Variants in ABHD2 observed in about 807,000 individuals in gnomAD.
ABHD2 encodes the protein abhydrolase domain containing 2, acylglycerol lipase.
ABHD2 carries 20 observed loss-of-function variants against 48.1 expected under a neutral mutation model. That is an observed-to-expected ratio of 0.42 (90% confidence interval 0.29 to 0.60). ABHD2 has a LOEUF of 0.60. Among genes scored for constraint, ABHD2 ranks in the 20% least tolerant of loss-of-function variants. ABHD2 has a pLI of 0.24. For missense variants in ABHD2, 405 were observed against 550.9 expected, an observed-to-expected ratio of 0.74 and a Z score of 2.65; for synonymous variants, 209 against 214.2, an observed-to-expected ratio of 0.98 and a Z score of 0.21.
At chr15:89,084,803 G>A (rs909198560), upstream of ABHD2, among the ~76,000 whole-genome samples, 3 of 152,128 alleles carry the variant, frequency 2.0e-5, no homozygotes, top group East Asian at 1.9e-4. This position sits in a 1 kb window ranked among gnomAD's most constrained non-coding sequence, Gnocchi z 4.4. Context: ...CTTTGCATCT[G>A]TGAACTCATC....
chr15:89,061,402 G>C, the ABHD2 span, among the ~76,000 whole-genome samples: 3 of 151,908 alleles, frequency 2.0e-5, no homozygotes, highest in Admixed American at 6.6e-5. Context: ...TAAGCAACAA[G>C]AGCAAAATTC....
the ABHD2 span, among the ~76,000 whole-genome samples, chr15:89,050,481 A>T: frequency 6.6e-6 from 1 of 152,354 alleles, no homozygotes; most frequent in Non-Finnish European, 1.5e-5. Flanking sequence ...CCCCCAGTTT[A>T]GCAGACTAGC....
At chr15:89,096,821 T>TA (rs1334750728) in intron 1 of ABHD2, among the ~76,000 whole-genome samples, 4 of 152,252 alleles carry the variant, frequency 2.6e-5, no homozygotes, top group African/African-American at 7.2e-5. Flanking sequence ...AGCCAACACT[T>TA]ACCTTCTACA....
intron 5 of ABHD2, among the ~76,000 whole-genome samples, chr15:89,158,180 C>G (rs116761931): frequency 1.9e-3 from 296 of 152,252 alleles, no homozygotes; most frequent in African/African-American, 6.9e-3. Context: ...GGCACAATCT[C>G]TTTTATCTCC....
Position 89,097,083 on chromosome 15 carries a change from G to A in ABHD2, c.-107+8520G>A, listed in dbSNP as rs2049624653. On this transcript the variant is annotated intron_variant, in intron 1 of 10. Coordinates refer to ENST00000352732, the MANE Select transcript of ABHD2 (RefSeq NM_152924.5). The surrounding 1 kb of genome is among the most constrained non-coding windows in gnomAD (Gnocchi z 4.2). The stretch of plus-strand genomic sequence containing the variant: ...GACTAGCAGGACTGTTTGTCATATT[G>A]CTAAATAATCACTCATTCATTTATT... 6.6e-6 allele frequency among the ~76,000 whole-genome samples: 1 copy of A among 152,138 alleles called. No homozygotes were observed. The highest frequency in any genetic ancestry group is 6.5e-5 in the Admixed American group (1 of 15,280).
Position 89,195,618 on chromosome 15 carries a change from ACT to A in ABHD2, c.*196_*197del. ...CTCCAGGCTATTTTTGTGCTTAGTTACTGGTTTTCTCCATTGCATTGTTAGGC... is the reference window on the plus strand; with the variant it reads ...CTCCAGGCTATTTTTGTGCTTAGTTAGGTTTTCTCCATTGCATTGTTAGGC... On this transcript the variant is annotated 3_prime_UTR_variant, in exon 11 of 11. Transcript: ENST00000352732. The surrounding 1 kb of genome is among the most constrained non-coding windows in gnomAD (Gnocchi z 5.1). The A allele has an allele frequency of 1.8e-6, 1 of 559,964 alleles. No individual in the cohort carries two copies. The highest frequency in any genetic ancestry group is 3.1e-6 in the Non-Finnish European group (1 of 324,080). 34.7% of individuals were successfully genotyped at this position (559,964 alleles called of 1,614,324 possible). A position where few individuals can be genotyped will look rare whatever the true frequency, so the allele number is the denominator to read the frequency against.
At position 89,146,355 on chromosome 15, in the gene ABHD2, C is replaced by CGTGTGTGTGTGTGTGT. The variant is rs4032279; in HGVS notation, c.195-5293_195-5278dup. Among the ~76,000 whole-genome samples the CGTGTGTGTGTGTGTGT allele has an allele frequency of 8.1e-4, 98 of 121,638 alleles. No homozygotes were observed. Among genetic ancestry groups the CGTGTGTGTGTGTGTGT allele is most frequent in the South Asian group, 3.5e-3 (11 of 3,172 alleles). The allele number at this position is 121,638 out of a possible 152,430, so 79.8% of individuals were successfully genotyped here. A position where few individuals can be genotyped will look rare whatever the true frequency, so the allele number is the denominator to read the frequency against. ...TGAGCTTCATCTGCTCAAAGACGTA[C>CGTGTGTGTGTGTGTGT]GTGTGTGTGTGTGTGTGTGTGTGTG... On this transcript the variant is annotated intron_variant, in intron 3 of 10. Coordinates refer to ENST00000352732, the MANE Select transcript of ABHD2 (RefSeq NM_152924.5). The surrounding 1 kb of genome is among the most constrained non-coding windows in gnomAD (Gnocchi z 4.2).
chr15:89,044,811 G>C, the ABHD2 span, among the ~76,000 whole-genome samples: 1 of 152,060 alleles, frequency 6.6e-6, no homozygotes, highest in Non-Finnish European at 1.5e-5. Flanking sequence ...TTAGCCCCTT[G>C]TCAGATGAGT....
intron 3 of ABHD2, among the ~76,000 whole-genome samples, chr15:89,139,846 G>C (rs1286587460): frequency 1.3e-5 from 2 of 152,190 alleles, no homozygotes; most frequent in Non-Finnish European, 2.9e-5. Flanking sequence ...AACATCCCGA[G>C]CCTATGTCTC....
At position 89,201,421 on chromosome 15, in the gene ABHD2, G is replaced by T; in HGVS notation, c.*5998G>T. ...TGTCATTCAATTTATCATTTTCATT[G>T]GGGATCTCCATTTGGAATCCATTAA... On this transcript the variant is annotated 3_prime_UTR_variant, in exon 11 of 11. Transcript: ENST00000352732. 1 of 1,265,966 alleles carries T rather than the reference G, an allele frequency of 7.9e-7. No individual in the cohort carries two copies. The highest frequency in any genetic ancestry group is 1.1e-6 in the Non-Finnish European group (1 of 875,818). The allele number at this position is 1,265,966 out of a possible 1,614,324, so 78.4% of individuals were successfully genotyped here. A position where few individuals can be genotyped will look rare whatever the true frequency, so the allele number is the denominator to read the frequency against.
At chr15:89,090,066 G>A (rs1901533302) in intron 1 of ABHD2, among the ~76,000 whole-genome samples, 1 of 152,236 alleles carries the variant, frequency 6.6e-6, no homozygotes, top group South Asian at 2.1e-4. Flanking sequence ...TCTCTTGACT[G>A]TATTTAGATC....
At chr15:89,042,486 G>A in the ABHD2 span, among the ~76,000 whole-genome samples, 4 of 151,878 alleles carry the variant, frequency 2.6e-5, no homozygotes, top group Non-Finnish European at 4.4e-5. Context: ...TCCTTACACC[G>A]AGTGCCACCT....
Position 89,092,550 on chromosome 15 carries a change from C to A in ABHD2, c.-107+3987C>A, listed in dbSNP as rs192165054. Among the ~76,000 whole-genome samples the A allele has an allele frequency of 6.6e-6, 1 of 152,128 alleles. No individual in the cohort carries two copies. The highest frequency in any genetic ancestry group is 2.4e-5 in the African/African-American group (1 of 41,402). ...ATGATGAAAGAAAATTTTTTAAAGG[C>A]ACAAAAGGTTAACTAGTAAATACAT... On this transcript the variant is annotated intron_variant, in intron 1 of 10. Transcript: ENST00000352732. This position sits in a 1 kb window ranked among gnomAD's most constrained non-coding sequence, Gnocchi z 4.4.
intron 4 of ABHD2, among the ~76,000 whole-genome samples, chr15:89,153,787 TAAC>T (rs959595922): frequency 3.3e-5 from 5 of 152,228 alleles, no homozygotes; most frequent in African/African-American, 1.2e-4. Flanking sequence ...CATATATTAT[TAAC>T]GTTTTGTTCC....
At chr15:89,055,323 C>CTTTTTTTTTTTTTTTTTTTT in the ABHD2 span, among the ~76,000 whole-genome samples, 1 of 124,796 alleles carries the variant, frequency 8.0e-6, no homozygotes, top group Non-Finnish European at 1.7e-5. Context: ...ACACTAGTTT[C>CTTTTTTTTTTTTTTTTTTTT]TTTTTTTTTT....
At chr15:89,064,543 T>C in the ABHD2 span, among the ~76,000 whole-genome samples, 11 of 152,176 alleles carry the variant, frequency 7.2e-5, no homozygotes, top group African/African-American at 2.7e-4. Flanking sequence ...TGTGTTCTTA[T>C]ATTTATCTGT....
intron 3 of ABHD2, among the ~76,000 whole-genome samples, chr15:89,131,227 A>G (rs967483097): frequency 1.3e-5 from 2 of 152,092 alleles, no homozygotes; most frequent in Non-Finnish European, 2.9e-5. Context: ...TCTTCCCTAT[A>G]TTCCTTGTGT....
In ABHD2 at chr15:89,193,247, C is replaced by G. The variant is rs755526451; in HGVS notation, c.1009C>G (p.Leu337Val). 2.5e-6 allele frequency: 4 copies of G among 1,614,184 alleles called. No homozygotes were observed. Among genetic ancestry groups the G allele is most frequent in the South Asian group, 1.1e-5 (1 of 91,082 alleles). Reference protein sequence around the residue: ...MRYLHRIYVPLMLVNAADDPL... With the variant: ...MRYLHRIYVPVMLVNAADDPL... Reference sequence around the variant, plus strand: ...GTTCTTGTTGCAGATTTATGTTCCTCTCATGCTGGTTAATGCAGCTGACGA... The same window carrying G: ...GTTCTTGTTGCAGATTTATGTTCCTGTCATGCTGGTTAATGCAGCTGACGA... Residue 337 changes from leucine to valine, a missense_variant, in exon 10 of 11, where the codon CTC becomes GTC. Physicochemically the swap from Leu to Val is conservative, Grantham distance 32. Transcript: ENST00000352732.
At position 89,100,113 on chromosome 15, in the gene ABHD2, T is replaced by G. The variant is rs2049678552; in HGVS notation, c.-107+11550T>G. The stretch of plus-strand genomic sequence containing the variant: ...TGATCCATGTTACCTGTAGAAGACA[T>G]TTAAATTAGCATTGATCATGATTGC... On this transcript the variant is annotated intron_variant, in intron 1 of 10. Coordinates refer to ENST00000352732, the MANE Select transcript of ABHD2 (RefSeq NM_152924.5). The surrounding 1 kb of genome is among the most constrained non-coding windows in gnomAD (Gnocchi z 4.4). 6.6e-6 allele frequency among the ~76,000 whole-genome samples: 1 copy of G among 152,074 alleles called. No homozygotes were observed. Among genetic ancestry groups the G allele is most frequent in the African/African-American group, 2.4e-5 (1 of 41,388 alleles).
Sources: allele counts gnomAD v4.1 joint callset (sites outside exome capture counted in the v4.1 genomes callset), GRCh38; gene constraint gnomAD v4.1.1; non-coding constraint Gnocchi (gnomAD v3.1); transcripts MANE v1.5; gene names NCBI Gene and HGNC (gene_info 2026-07-23, HGNC 2026-07-21).